The following TANC2 variants were observed in gnomAD, a reference collection of about 807,000 sequenced individuals.
TANC2 encodes tetratricopeptide repeat, ankyrin repeat and coiled-coil containing 2, also known as protein TANC2.
In TANC2, 26 loss-of-function variants were observed where a neutral mutation model predicts 210.5. That is an observed-to-expected ratio of 0.12 (90% CI 0.09 to 0.17). TANC2 has a LOEUF of 0.17. Among genes scored for constraint, TANC2 ranks in the 10% least tolerant of loss-of-function variants. TANC2 has a pLI of 1.00. For synonymous variants in TANC2, 931 were observed against 967.1 expected, an observed-to-expected ratio of 0.96 and a Z score of 0.69; for missense variants, 2,129 against 2,608.9, an observed-to-expected ratio of 0.82 and a Z score of 4.01.
chr17:63,247,878 A>C (rs181843077), intron 8 of TANC2, among the ~76,000 whole-genome samples: 183 of 152,208 alleles, frequency 1.2e-3, no homozygotes, highest in African/African-American at 3.8e-3. Flanking sequence ...GTCAGGGAAT[A>C]GTTTGTATTA....
At chr17:63,118,770 CAACTA>C (rs2038347330) in intron 4 of TANC2, among the ~76,000 whole-genome samples, 1 of 148,726 alleles carries the variant, frequency 6.7e-6, no homozygotes, top group Non-Finnish European at 1.5e-5. Context: ...CCACCATATC[CAACTA>C]ATTTTTTTTT....
At chr17:63,384,971 A>G (rs971720178) in intron 15 of TANC2, among the ~76,000 whole-genome samples, 3 of 152,206 alleles carry the variant, frequency 2.0e-5, no homozygotes, top group African/African-American at 7.2e-5. Flanking sequence ...TTTAGTTGGT[A>G]TAATGGAAGG....
intron 1 of TANC2, among the ~76,000 whole-genome samples, chr17:62,973,575 C>G (rs1369625667): frequency 6.6e-6 from 1 of 152,088 alleles, no homozygotes; most frequent in Non-Finnish European, 1.5e-5. Context: ...ATATACACAC[C>G]ATCTAAAATA....
At chr17:63,095,406 A>G (rs942293083) in intron 3 of TANC2, among the ~76,000 whole-genome samples, 1 of 152,088 alleles carries the variant, frequency 6.6e-6, no homozygotes, top group African/African-American at 2.4e-5. Flanking sequence ...CCTGGCTTCA[A>G]ACAACCCTCC....
In TANC2 at chr17:63,354,690, G is replaced by A. The variant is rs960000968; in HGVS notation, c.1975-93G>A. ...TGTTTCCCTGTTTGGCCACTTCGAAGTTCAGAATACATTTGTGAACCTCAT... is the reference window on the plus strand; with the variant it reads ...TGTTTCCCTGTTTGGCCACTTCGAAATTCAGAATACATTTGTGAACCTCAT... On this transcript the variant is annotated intron_variant, in intron 13 of 27. Coordinates refer to ENST00000689528, the Ensembl canonical transcript of TANC2. 2.5e-5 allele frequency: 37 copies of A among 1,480,666 alleles called. No individual in the cohort carries two copies. The African/African-American group carries it at 3.8e-4, about 15-fold the overall frequency. 91.7% of individuals were successfully genotyped at this position (1,480,666 alleles called of 1,614,324 possible). A position where few individuals can be genotyped will look rare whatever the true frequency, so the allele number is the denominator to read the frequency against.
At chr17:63,390,272 A>G (rs2047923713) in intron 17 of TANC2, 1 of 152,384 alleles carries the variant, frequency 6.6e-6, no homozygotes, top group African/African-American at 2.4e-5. Flanking sequence ...GTGGTTTCAT[A>G]GTGAAATACA....
At chr17:63,143,600 T>G (rs1206087442) in intron 4 of TANC2, among the ~76,000 whole-genome samples, 1 of 152,326 alleles carries the variant, frequency 6.6e-6, no homozygotes, top group East Asian at 1.9e-4. Flanking sequence ...TTATAATACA[T>G]GTTTTGAAAT....
exon 16 of TANC2, chr17:63,388,696 G>C (rs756447567): frequency 6.2e-7 from 1 of 1,603,938 alleles, no homozygotes; most frequent in Non-Finnish European, 8.5e-7. Flanking sequence ...ATCTCTTATA[G>C]CACAGAAGGT....
rs562885104 is a variant in TANC2, at chr17:63,099,367, T to C, written c.322+10T>C. 1.4e-5 allele frequency: 21 copies of C among 1,485,704 alleles called. No homozygotes were observed. The highest frequency in any genetic ancestry group is 8.8e-5 in the Admixed American group (4 of 45,480). 92.0% of individuals were successfully genotyped at this position (1,485,704 alleles called of 1,614,324 possible). A position where few individuals can be genotyped will look rare whatever the true frequency, so the allele number is the denominator to read the frequency against. ...GTGAAGAAGTTAACTGGTAAGGACTTTACCTAAATTTAGTATGTTTAACAG... is the reference window on the plus strand; with the variant it reads ...GTGAAGAAGTTAACTGGTAAGGACTCTACCTAAATTTAGTATGTTTAACAG... On this transcript the variant is annotated intron_variant, in intron 4 of 27. Transcript: ENST00000689528.
At chr17:63,061,596 T>G (rs927936772) in intron 2 of TANC2, among the ~76,000 whole-genome samples, 1 of 152,148 alleles carries the variant, frequency 6.6e-6, no homozygotes. Context: ...TATATGCATA[T>G]TAACATAAAT....
chr17:63,404,383 G>A (rs1357201700), intron 19 of TANC2, among the ~76,000 whole-genome samples: 3 of 152,238 alleles, frequency 2.0e-5, no homozygotes, highest in Non-Finnish European at 4.4e-5. Context: ...TCAGTGGACA[G>A]TGGCACAAAA....
At chr17:63,041,625 T>C (rs1048398390) in intron 2 of TANC2, among the ~76,000 whole-genome samples, 6 of 152,196 alleles carry the variant, frequency 3.9e-5, no homozygotes, top group Non-Finnish European at 7.4e-5. Context: ...TTAAAGGGAG[T>C]GTTATATTCA....
intron 1 of TANC2, among the ~76,000 whole-genome samples, chr17:62,997,932 G>T (rs2033194158): frequency 6.6e-6 from 1 of 152,132 alleles, no homozygotes; most frequent in Non-Finnish European, 1.5e-5. Context: ...TGGCAAACAG[G>T]CTGAGATGAC....
At chr17:63,224,293 C>T (rs1185634985) in intron 7 of TANC2, among the ~76,000 whole-genome samples, 2 of 150,454 alleles carry the variant, frequency 1.3e-5, no homozygotes, top group East Asian at 3.9e-4. Context: ...CCTGTGTCGC[C>T]CAGGCTGGGG....
chr17:63,174,932 CAA>C (rs1452764570), intron 5 of TANC2, among the ~76,000 whole-genome samples: 2 of 152,074 alleles, frequency 1.3e-5, no homozygotes, highest in Non-Finnish European at 2.9e-5. Flanking sequence ...AAAATTTGAT[CAA>C]GACTTGTACA....
intron 1 of TANC2, among the ~76,000 whole-genome samples, chr17:62,988,169 C>T (rs2032667892): frequency 6.6e-6 from 1 of 152,026 alleles, no homozygotes; most frequent in Admixed American, 6.6e-5. Flanking sequence ...GCTCTGTCAC[C>T]CAGGCTGGAG....
exon 28 of TANC2, chr17:63,424,140 C>A (rs1329249940): frequency 6.6e-6 from 1 of 152,242 alleles, no homozygotes; most frequent in Non-Finnish European, 1.5e-5. Context: ...GAACGCCACA[C>A]ACCACCCGCA....
intron 1 of TANC2, among the ~76,000 whole-genome samples, chr17:63,006,525 G>A (rs1471292374): frequency 6.6e-6 from 1 of 151,976 alleles, no homozygotes; most frequent in Non-Finnish European, 1.5e-5. Flanking sequence ...CAACTTATGG[G>A]TATTTAGAAG....
intron 8 of TANC2, among the ~76,000 whole-genome samples, chr17:63,264,042 T>C (rs1294331498): frequency 6.6e-6 from 1 of 152,208 alleles, no homozygotes; most frequent in Non-Finnish European, 1.5e-5. Flanking sequence ...TTGGTTAGGT[T>C]TGGCTCCAAG....
Sources: allele counts gnomAD v4.1 joint callset (sites outside exome capture counted in the v4.1 genomes callset), GRCh38; gene constraint gnomAD v4.1.1; transcripts MANE v1.5; gene names NCBI Gene and HGNC (gene_info 2026-07-23, HGNC 2026-07-21).